Variants in SLC35F1 observed in about 807,000 individuals in gnomAD.
SLC35F1 encodes solute carrier family 35 member F1.
Under a neutral mutation model 48.7 loss-of-function variants are expected in SLC35F1, and 14 were observed. That is an observed-to-expected ratio of 0.29 (90% CI 0.19 to 0.45). The LOEUF is 0.45. Among genes scored for constraint, SLC35F1 ranks in the 20% least tolerant of loss-of-function variants. The pLI, the probability that SLC35F1 is intolerant of heterozygous loss-of-function variation, is 1.00. For missense variants in SLC35F1, 404 were observed against 500.0 expected, an observed-to-expected ratio of 0.81 and a Z score of 1.83; for synonymous variants, 190 against 202.2, an observed-to-expected ratio of 0.94 and a Z score of 0.51.
At chr6:118,131,483 G>A (rs1773711439) in intron 1 of SLC35F1, among the ~76,000 whole-genome samples, 3 of 151,916 alleles carry the variant, frequency 2.0e-5, no homozygotes, top group South Asian at 2.1e-4. Context: ...TTTATATTAT[G>A]AATAATAATT....
At chr6:118,039,065 A>C (rs920255745) in intron 1 of SLC35F1, among the ~76,000 whole-genome samples, 14 of 152,132 alleles carry the variant, frequency 9.2e-5, no homozygotes, top group South Asian at 6.2e-4. Context: ...ATTTTTTAAG[A>C]TTCCTTAGAG....
Position 117,954,192 on chromosome 6 carries a change from A to G in SLC35F1, c.173+46293A>G, listed in dbSNP as rs544045567. ...AGCAGTGCAGTGAGAGAGCCAGTTGAACAACCATCAGTGTAATGAACATGG... is the reference window on the plus strand; with the variant it reads ...AGCAGTGCAGTGAGAGAGCCAGTTGGACAACCATCAGTGTAATGAACATGG... On this transcript the variant is annotated intron_variant, in intron 1 of 7. Transcript: ENST00000360388. Among the ~76,000 whole-genome samples, 4 of 152,354 alleles carry G rather than the reference A, an allele frequency of 2.6e-5. No homozygotes were observed. In the South Asian group the frequency reaches 8.3e-4, roughly 32 times the overall value.
Position 118,101,763 on chromosome 6 carries a change from G to A in SLC35F1, c.174-52682G>A, listed in dbSNP as rs550610257. Among the ~76,000 whole-genome samples the A allele has an allele frequency of 9.2e-5, 14 of 152,288 alleles. 1 individual carries two copies. The highest frequency in any genetic ancestry group is 3.4e-4 in the African/African-American group (14 of 41,562). Reference sequence around the variant, plus strand: ...GCTCGAAGGGAAGCATGCTATGCATGGATGGAGCTTTTTATTTTAAAGGAC... The same window carrying A: ...GCTCGAAGGGAAGCATGCTATGCATAGATGGAGCTTTTTATTTTAAAGGAC... On this transcript the variant is annotated intron_variant, in intron 1 of 7. Coordinates refer to ENST00000360388, the MANE Select transcript of SLC35F1 (RefSeq NM_001029858.4).
intron 1 of SLC35F1, among the ~76,000 whole-genome samples, chr6:118,139,026 T>C (rs1773842043): frequency 6.6e-6 from 1 of 152,042 alleles, no homozygotes; most frequent in Non-Finnish European, 1.5e-5. Context: ...AAATAAATGA[T>C]ATTCAGATTC....
At chr6:118,007,990 T>C (rs1777196470) in intron 1 of SLC35F1, among the ~76,000 whole-genome samples, 3 of 152,162 alleles carry the variant, frequency 2.0e-5, no homozygotes, top group African/African-American at 7.2e-5. Context: ...CTTCCAGCAA[T>C]TGGAGACCAA....
chr6:118,147,280 T>G (rs1773987800), intron 1 of SLC35F1, among the ~76,000 whole-genome samples: 2 of 152,138 alleles, frequency 1.3e-5, no homozygotes, highest in African/African-American at 4.8e-5. Context: ...ATGAAACAGG[T>G]TCCTGCAGGA....
intron 1 of SLC35F1, among the ~76,000 whole-genome samples, chr6:117,962,251 G>C (rs1776507140): frequency 6.6e-6 from 1 of 152,154 alleles, no homozygotes; most frequent in Non-Finnish European, 1.5e-5. Context: ...CCCTTCTTGA[G>C]TACTGTGTGT....
chr6:118,164,938 C>T (rs1198900427), intron 2 of SLC35F1, among the ~76,000 whole-genome samples: 5 of 152,152 alleles, frequency 3.3e-5, no homozygotes, highest in Non-Finnish European at 2.9e-5. Flanking sequence ...TAGCCCATGA[C>T]TAATTCCTAA....
chr6:118,047,791 G>A (rs572254798), intron 1 of SLC35F1, among the ~76,000 whole-genome samples: 62 of 152,194 alleles, frequency 4.1e-4, no homozygotes, highest in Non-Finnish European at 6.8e-4. Context: ...CTGTTGGGGC[G>A]CATGTTGGGA....
intron 7 of SLC35F1, among the ~76,000 whole-genome samples, chr6:118,311,026 C>G (rs754908484): frequency 1.3e-5 from 2 of 152,184 alleles, no homozygotes; most frequent in Non-Finnish European, 2.9e-5. Flanking sequence ...TCTACCACTA[C>G]ATTATTTCAA....
At chr6:118,225,413 G>T (rs1291699632) in intron 2 of SLC35F1, among the ~76,000 whole-genome samples, 1 of 152,118 alleles carries the variant, frequency 6.6e-6, no homozygotes, top group Non-Finnish European at 1.5e-5. Flanking sequence ...TTCAATAAAT[G>T]ATCCTGGAAA....
chr6:117,959,743 T>C (rs1251466267), intron 1 of SLC35F1, among the ~76,000 whole-genome samples: 1 of 152,180 alleles, frequency 6.6e-6, no homozygotes, highest in Non-Finnish European at 1.5e-5. Context: ...CCAAGAAGTT[T>C]CGACGTATAA....
At chr6:117,911,461 G>A (rs1775763049) in intron 1 of SLC35F1, among the ~76,000 whole-genome samples, 1 of 134,830 alleles carries the variant, frequency 7.4e-6, no homozygotes, top group African/African-American at 2.9e-5. Flanking sequence ...CTTCTGGCAG[G>A]ATCTTGGTCT....
rs1775737734 is a variant in SLC35F1 at position 118,263,567 on chromosome 6, A to T, written c.478-3428A>T. Reference sequence around the variant, plus strand: ...GAGCATAAGATGGTTATAAAATAATATTTGTTTATTTTTTCATATGGATAT... The same window carrying T: ...GAGCATAAGATGGTTATAAAATAATTTTTGTTTATTTTTTCATATGGATAT... On this transcript the variant is annotated intron_variant, in intron 3 of 7. Coordinates refer to ENST00000360388, the MANE Select transcript of SLC35F1 (RefSeq NM_001029858.4). Among the ~76,000 whole-genome samples, 3 of 152,134 alleles carry T rather than the reference A, an allele frequency of 2.0e-5. No individual in the cohort carries two copies. The South Asian group carries it at 6.2e-4, about 32-fold the overall frequency.
chr6:118,126,799 T>C (rs888534551), intron 1 of SLC35F1, among the ~76,000 whole-genome samples: 15 of 151,796 alleles, frequency 9.9e-5, no homozygotes, highest in Non-Finnish European at 7.4e-5. Context: ...TATTGGTGTA[T>C]AAGAATGCCT....
At chr6:117,965,697 C>T (rs1177960508) in intron 1 of SLC35F1, among the ~76,000 whole-genome samples, 1 of 152,182 alleles carries the variant, frequency 6.6e-6, no homozygotes, top group East Asian at 1.9e-4. Flanking sequence ...GACTGGGTGG[C>T]TTAAATGATA....
intron 1 of SLC35F1, among the ~76,000 whole-genome samples, chr6:117,936,693 G>A (rs1776166664): frequency 6.6e-6 from 1 of 152,082 alleles, no homozygotes; most frequent in Non-Finnish European, 1.5e-5. Context: ...TAAAGGCTTA[G>A]TCTGACATTT....
intron 2 of SLC35F1, among the ~76,000 whole-genome samples, chr6:118,159,214 C>G (rs1774190151): frequency 1.2e-5 from 1 of 83,168 alleles, no homozygotes; most frequent in Admixed American, 2.2e-4. Context: ...GAGCGAGACT[C>G]TGTCTCAAAA....
intron 1 of SLC35F1, among the ~76,000 whole-genome samples, chr6:117,953,268 G>A (rs1017467956): frequency 6.6e-6 from 1 of 151,982 alleles, no homozygotes; most frequent in Non-Finnish European, 1.5e-5. Context: ...AAAATTCAAA[G>A]GCAAAATACC....
Sources: gnomAD v4.1 joint callset for allele counts (sites outside exome capture counted in the v4.1 genomes callset) on GRCh38, gnomAD v4.1.1 for gene constraint, MANE v1.5 for transcripts, NCBI Gene and HGNC (gene_info 2026-07-23, HGNC 2026-07-21) for gene names.